RIMBP2: variants seen among roughly 807,000 people sequenced by gnomAD.
RIMBP2 encodes the protein RIMS-binding protein 2.
A neutral mutation model predicts 118.6 loss-of-function variants in RIMBP2; 48 were observed. The ratio of observed to expected loss-of-function variants is 0.40; its 90% CI spans 0.32 to 0.51. RIMBP2 has a LOEUF of 0.51. Ranked by LOEUF, RIMBP2 falls within the 20% of genes least tolerant of loss-of-function variation. The pLI is 0.41. For synonymous variants in RIMBP2, 762 were observed against 742.9 expected (o/e 1.03, Z -0.42); for missense variants, 1,551 against 1,768.3 (o/e 0.88, Z 2.20).
At chr12:130,432,376 G>A in intron 14 of RIMBP2, 1 of 450,506 alleles carries the variant, frequency 2.2e-6, no homozygotes, top group Admixed American at 2.4e-5. Flanking sequence ...CTTGCCAGTT[G>A]TGTTTTGCGT....
intron 4 of RIMBP2, among the ~76,000 whole-genome samples, chr12:130,495,030 T>G (rs1300951525): frequency 7.0e-6 from 1 of 142,416 alleles, no homozygotes; most frequent in Non-Finnish European, 1.5e-5. Flanking sequence ...TCCCATCCCC[T>G]TGGGTGTCTC....
intron 1 of RIMBP2, among the ~76,000 whole-genome samples, chr12:130,701,865 C>T (rs975400175): frequency 3.3e-5 from 5 of 152,180 alleles, no homozygotes; most frequent in Non-Finnish European, 7.3e-5. Flanking sequence ...TGGCCCACCC[C>T]TTCCCATAAT....
rs140741587 is a variant in RIMBP2 at position 130,494,186 on chromosome 12, G to A, written c.-4+12462C>T. On this transcript the variant is annotated intron_variant, in intron 4 of 22. Coordinates refer to ENST00000690449, the MANE Select transcript of RIMBP2 (RefSeq NM_001393629.1). ...ACTGCGCTGGGGACAGGGACAGAGC[G>A]GTTCAGAAGGACAGACCCCGCCCTG... Among the ~76,000 whole-genome samples, 784 of 152,234 alleles carry A rather than the reference G, an allele frequency of 5.1e-3. 9 individuals carry two copies. The highest frequency in any genetic ancestry group is 0.018 in the African/African-American group (756 of 41,528).
chr12:130,402,262 G>A (rs757604194), intron 21 of RIMBP2, among the ~76,000 whole-genome samples: 4 of 152,104 alleles, frequency 2.6e-5, no homozygotes, highest in Admixed American at 2.6e-4. Flanking sequence ...TCAAGCTCAA[G>A]AGTTTCTAAG....
At chr12:130,543,929 G>A (rs890431444) in intron 2 of RIMBP2, among the ~76,000 whole-genome samples, 1 of 152,152 alleles carries the variant, frequency 6.6e-6, no homozygotes, top group Non-Finnish European at 1.5e-5. Context: ...TTAATAGAAT[G>A]TTTCTCTTGA....
At chr12:130,613,447 C>T (rs2060688033) in intron 2 of RIMBP2, among the ~76,000 whole-genome samples, 1 of 152,128 alleles carries the variant, frequency 6.6e-6, no homozygotes, top group South Asian at 2.1e-4. Flanking sequence ...CAGAGGACAG[C>T]ACAGAAGGAG....
In RIMBP2 at chr12:130,454,146, G is replaced by C. The variant is rs996018818; in HGVS notation, c.358+2350C>G. ...AAGGGTTTTCACCATGAAAAGAAAA[G>C]GTAACCACGTGAGGATGTGGATAGG... is the stretch of plus-strand genomic sequence containing the variant. On this transcript the variant is annotated intron_variant, in intron 7 of 22. Transcript: ENST00000690449. Among the ~76,000 whole-genome samples the C allele has an allele frequency of 1.2e-4, 18 of 152,324 alleles. No individual in the cohort carries two copies. In the South Asian group the frequency reaches 2.9e-3, roughly 25 times the overall value.
intron 17 of RIMBP2, among the ~76,000 whole-genome samples, chr12:130,421,178 C>T (rs4759678): frequency 0.98 from 149,941 of 152,308 alleles, 73,847 homozygotes; most frequent in Middle Eastern, 1. Context: ...CCAGAGGGAA[C>T]GACACACGAA....
chr12:130,572,690 C>A (rs997644289), intron 2 of RIMBP2, among the ~76,000 whole-genome samples: 1 of 151,444 alleles, frequency 6.6e-6, no homozygotes, highest in South Asian at 2.1e-4. Context: ...TATGCTCATT[C>A]GAGTTAATTA....
At chr12:130,627,821 C>T (rs2061737522) in intron 2 of RIMBP2, among the ~76,000 whole-genome samples, 1 of 152,200 alleles carries the variant, frequency 6.6e-6, no homozygotes. Flanking sequence ...TGGTGCAGGC[C>T]ACCCTTGCCA....
chr12:130,416,584 C>G (rs562163944), intron 17 of RIMBP2, among the ~76,000 whole-genome samples: 1 of 152,244 alleles, frequency 6.6e-6, no homozygotes, highest in Admixed American at 6.5e-5. Context: ...CAAGGTGGAT[C>G]AAAGATTTGA....
chr12:130,528,146 A>G lies in RIMBP2; in HGVS notation c.-216-10229T>C, dbSNP rs140796412. The stretch of plus-strand genomic sequence containing the variant: ...TTCTATTATAAAGATACATGCAAGC[A>G]TATGTTCACTGCAGCACCATTCACA... On this transcript the variant is annotated intron_variant, in intron 2 of 22. Transcript: ENST00000690449. 1.2e-4 allele frequency among the ~76,000 whole-genome samples: 19 copies of G among 152,344 alleles called. No homozygotes were observed. The East Asian group carries it at 3.5e-3, about 28-fold the overall frequency.
At chr12:130,437,902 T>C (rs1021429623) in intron 12 of RIMBP2, among the ~76,000 whole-genome samples, 3 of 152,108 alleles carry the variant, frequency 2.0e-5, no homozygotes, top group African/African-American at 4.8e-5. Context: ...CAGGCAGGGA[T>C]AGGGGGCTGG....
At chr12:130,478,769 A>G (rs1297378184) in intron 5 of RIMBP2, 143 bp downstream of exon 5, 1 of 616,136 alleles carries the variant, frequency 1.6e-6, no homozygotes, top group African/African-American at 1.9e-5. Flanking sequence ...AGCAGAAATG[A>G]CTCTGAATTC....
At chr12:130,438,334 A>AGCCCCCCCC in intron 12 of RIMBP2, 31 bp downstream of exon 12, 3 of 1,344,510 alleles carry the variant, frequency 2.2e-6, no homozygotes, top group Non-Finnish European at 3.2e-6. Flanking sequence ...GGGCCTAACA[A>AGCCCCCCCC]ACCCTCCCCA....
chr12:130,632,538 G>A (rs1390280489), intron 1 of RIMBP2, among the ~76,000 whole-genome samples: 3 of 152,066 alleles, frequency 2.0e-5, no homozygotes, highest in African/African-American at 4.8e-5. Flanking sequence ...CTGGGCTGCC[G>A]GGATGTGCTT....
At chr12:130,493,014 C>T (rs1301960426) in intron 4 of RIMBP2, among the ~76,000 whole-genome samples, 2 of 152,052 alleles carry the variant, frequency 1.3e-5, no homozygotes, top group African/African-American at 2.4e-5. Flanking sequence ...ACCTGTAGTC[C>T]CAGCTATTCA....
chr12:130,443,577 T>C (rs975251549), intron 10 of RIMBP2, among the ~76,000 whole-genome samples: 2 of 152,140 alleles, frequency 1.3e-5, no homozygotes, highest in African/African-American at 4.8e-5. Context: ...TGATGTGTTG[T>C]GGCCCAGGGG....
intron 2 of RIMBP2, among the ~76,000 whole-genome samples, chr12:130,600,048 A>C (rs1197054661): frequency 6.6e-6 from 1 of 152,096 alleles, no homozygotes; most frequent in Admixed American, 6.6e-5. Context: ...CTCTGCCTCC[A>C]CCTTTCTAGT....
Sources: allele counts gnomAD v4.1 joint callset (sites outside exome capture counted in the v4.1 genomes callset), GRCh38; gene constraint gnomAD v4.1.1; transcripts MANE v1.5; gene names NCBI Gene and HGNC (gene_info 2026-07-23, HGNC 2026-07-21).